SLC25A25: variants seen among roughly 807,000 people sequenced by gnomAD.
The protein encoded by SLC25A25 is mitochondrial adenyl nucleotide antiporter SLC25A25.
In SLC25A25, 32 loss-of-function variants were observed where a neutral mutation model predicts 57.7. The observed-to-expected ratio is 0.55, with a 90% CI of 0.42 to 0.74. The LOEUF is 0.74. SLC25A25 is among the 30% of genes least tolerant of loss of function. The probability of loss-of-function intolerance (pLI) is 0.00; values close to 1 mark genes in which losing one functional copy is unlikely to be tolerated. For missense variants in SLC25A25, 556 were observed against 701.3 expected (o/e 0.79, Z 2.34); for synonymous variants, 306 against 291.2 (o/e 1.05, Z -0.52).
At position 128,107,375 on chromosome 9, in the gene SLC25A25, C is replaced by A. The variant is rs750361886; in HGVS notation, c.1479C>A (p.Ile493=). The A allele has an allele frequency of 9.9e-6, 15 of 1,513,814 alleles. No homozygotes were observed. In the African/African-American group the frequency reaches 2.0e-4, roughly 20 times the overall value. The allele number at this position is 1,513,814 out of a possible 1,614,324, so 93.8% of individuals were successfully genotyped here. ...RGLAPNFMKV[I]PAVSISYVVY... is the part of the protein sequence containing the mutation. Reference sequence around the variant, plus strand: ...TGGCCCCCAACTTCATGAAGGTCATCCCAGCTGTGAGCATCAGCTACGTGG... The same window carrying A: ...TGGCCCCCAACTTCATGAAGGTCATACCAGCTGTGAGCATCAGCTACGTGG... The change falls in exon 11 of 11, where the codon ATC becomes ATA. Residue 493 remains isoleucine (I), a synonymous_variant. Transcript: ENST00000373069.
intron 1 of SLC25A25, chr9:128,091,646 G>T: frequency 8.3e-7 from 1 of 1,205,302 alleles, no homozygotes; most frequent in Non-Finnish European, 1.0e-6. Context: ...CCTTATTGCC[G>T]GCAGCCTGGC....
Position 128,099,264 on chromosome 9 carries a change from G to C in SLC25A25, c.262-1832G>C. On this transcript the variant is annotated intron_variant, in intron 1 of 10. Transcript: ENST00000373069. The surrounding 1 kb of genome is among the most constrained non-coding windows in gnomAD (Gnocchi z 6.8). ...GGCTTCTCGGTTAATCAGTTTCCCT[G>C]CTACCCCCAGTGCCCACTGTGCACC... 11 of 1,289,108 alleles carry C rather than the reference G, an allele frequency of 8.5e-6. No individual in the cohort carries two copies. Among genetic ancestry groups the C allele is most frequent in the Non-Finnish European group, 8.1e-6 (8 of 988,518 alleles). 79.9% of individuals were successfully genotyped at this position (1,289,108 alleles called of 1,614,324 possible). A position where few individuals can be genotyped will look rare whatever the true frequency, so the allele number is the denominator to read the frequency against.
At chr9:128,077,453 C>T (rs1055135477) in intron 1 of SLC25A25, among the ~76,000 whole-genome samples, 1 of 148,896 alleles carries the variant, frequency 6.7e-6, no homozygotes, top group East Asian at 2.0e-4. Flanking sequence ...GGAGGCGGAG[C>T]TTGCAGTGAG....
At chr9:128,089,968 ATG>A (rs753832594) in intron 1 of SLC25A25, among the ~76,000 whole-genome samples, 32 of 152,014 alleles carry the variant, frequency 2.1e-4, no homozygotes, top group Non-Finnish European at 2.8e-4. Context: ...TTACATGTGT[ATG>A]TGTGTATGCC....
rs1208356981 is a variant in SLC25A25 at position 128,106,228 on chromosome 9, A to G, written c.1015A>G (p.Ile339Val). 1 of 1,614,034 alleles carries G rather than the reference A, an allele frequency of 6.2e-7. No homozygotes were observed. Among genetic ancestry groups the G allele is most frequent in the Non-Finnish European group, 8.5e-7 (1 of 1,180,016 alleles). The change falls in exon 8 of 11, where the codon ATC (isoleucine) becomes GTC (valine). Residue 339 changes from isoleucine to valine, a missense_variant. Ile to Val is a conservative substitution (Grantham distance 29). This residue lies in a region of SLC25A25 where 294 missense variants were observed against 389.6 expected (regional missense o/e 0.75). Coordinates refer to ENST00000373069, the MANE Select transcript of SLC25A25 (RefSeq NM_001330988.2). ...RLVAGSLAGAIAQSSIYPMEV... is the reference protein window; with the variant it reads ...RLVAGSLAGAVAQSSIYPMEV... ...TGTGGCAGGGTCCTTGGCAGGGGCC[A>G]TCGCCCAGAGCAGCATCTACCCAAT...
intron 1 of SLC25A25, chr9:128,092,229 A>G: frequency 8.9e-7 from 1 of 1,127,448 alleles, no homozygotes; most frequent in Non-Finnish European, 1.2e-6. Flanking sequence ...GCAATGAGGA[A>G]GCCCACAAAT....
At chr9:128,083,236 AAAATAAATAAAT>A (rs376767199) in intron 1 of SLC25A25, among the ~76,000 whole-genome samples, 102,676 of 141,398 alleles carry the variant, frequency 0.73, 39,101 homozygotes, top group Non-Finnish European at 0.84. Flanking sequence ...TCAAAAAAAA[AAAATAAATAAAT>A]AAAAGTGTTT....
intron 1 of SLC25A25, among the ~76,000 whole-genome samples, chr9:128,070,063 A>G (rs1832869750): frequency 8.7e-6 from 1 of 114,930 alleles, no homozygotes. Flanking sequence ...GATTACAGGC[A>G]TGTGCCACCA....
In SLC25A25 at chr9:128,069,477, C is replaced by G. The variant is rs151100404; in HGVS notation, c.261+897C>G. Among the ~76,000 whole-genome samples the G allele has an allele frequency of 4.6e-5, 7 of 152,184 alleles. No individual in the cohort carries two copies. The East Asian group carries it at 1.3e-3, about 29-fold the overall frequency. ...GGAATAGGACTCCTGAGTACTTTAC[C>G]TAAGAACCTGTTTCACTGCTGAGTT... On this transcript the variant is annotated intron_variant, in intron 1 of 10. Coordinates refer to ENST00000373069, the MANE Select transcript of SLC25A25 (RefSeq NM_001330988.2).
intron 1 of SLC25A25, among the ~76,000 whole-genome samples, chr9:128,100,539 G>A (rs1348913728): frequency 2.0e-5 from 3 of 152,190 alleles, no homozygotes; most frequent in Non-Finnish European, 4.4e-5. Context: ...CTCGGGTGCT[G>A]TGGCAGAGTC....
chr9:128,077,670 G>C (rs1487500224), intron 1 of SLC25A25, among the ~76,000 whole-genome samples: 1 of 151,990 alleles, frequency 6.6e-6, no homozygotes, highest in Non-Finnish European at 1.5e-5. Flanking sequence ...AAGGTGAGAT[G>C]AGGTTTCTTT....
At chr9:128,093,976 C>A (rs577981884) in intron 1 of SLC25A25, among the ~76,000 whole-genome samples, 1 of 152,188 alleles carries the variant, frequency 6.6e-6, no homozygotes, top group Admixed American at 6.5e-5. Flanking sequence ...GGTGAAACCC[C>A]GTCTCTACTA....
intron 1 of SLC25A25, among the ~76,000 whole-genome samples, chr9:128,085,538 T>A (rs2130796183): frequency 6.6e-6 from 1 of 152,308 alleles, no homozygotes; most frequent in South Asian, 2.1e-4. Flanking sequence ...TCGATTCCTG[T>A]CTTAGGTGCT....
At chr9:128,106,121 T>G in intron 7 of SLC25A25, 29 bp from the exon 8 acceptor site, 1 of 1,613,434 alleles carries the variant, frequency 6.2e-7, no homozygotes, top group Non-Finnish European at 8.5e-7. Context: ...TCTGGGTATA[T>G]CAGGTGGTTT....
chr9:128,083,517 T>TTTTC (rs1175715707), intron 1 of SLC25A25, among the ~76,000 whole-genome samples: 5 of 143,170 alleles, frequency 3.5e-5, no homozygotes, highest in African/African-American at 1.0e-4. Context: ...TTTTTTCTTT[T>TTTTC]TTTTTTTTTT....
At chr9:128,074,102 C>T (rs1351199774) in intron 1 of SLC25A25, among the ~76,000 whole-genome samples, 6 of 151,750 alleles carry the variant, frequency 4.0e-5, no homozygotes, top group Admixed American at 3.3e-4. Flanking sequence ...TGCGGTGGTG[C>T]AATCTCGGCT....
intron 1 of SLC25A25, among the ~76,000 whole-genome samples, chr9:128,100,214 C>T (rs1454513725): frequency 6.6e-6 from 1 of 152,092 alleles, no homozygotes; most frequent in Non-Finnish European, 1.5e-5. Context: ...AAGTGGGTTG[C>T]TAGAAGTAAA....
At chr9:128,106,296 C>T (rs1834031560) in intron 8 of SLC25A25, 39 bp downstream of exon 8, 2 of 1,603,510 alleles carry the variant, frequency 1.2e-6, no homozygotes, top group Admixed American at 1.7e-5. Context: ...GCAGTGGGCA[C>T]AGGACTGGGG....
rs1834096553 is a variant in SLC25A25, at chr9:128,107,421, AC to A, written c.1528del (p.Leu510TrpfsTer18). 1 of 1,504,270 alleles carries A rather than the reference AC, an allele frequency of 6.6e-7. No homozygotes were observed. The highest frequency in any genetic ancestry group is 8.9e-7 in the Non-Finnish European group (1 of 1,125,292). The allele number at this position is 1,504,270 out of a possible 1,614,324, so 93.2% of individuals were successfully genotyped here. A position where few individuals can be genotyped will look rare whatever the true frequency, so the allele number is the denominator to read the frequency against. ...CGTGGTCTACGAGAACCTGAAGATC[AC>A]CCTGGGCGTGCAGTCGCGGTGACGG... ...SYVVYENLKI[T>X]LGVQSR On this transcript the variant is annotated frameshift_variant, in exon 11 of 11. Coordinates refer to ENST00000373069, the MANE Select transcript of SLC25A25 (RefSeq NM_001330988.2). LOFTEE classifies it high-confidence loss of function.
Sources: allele counts gnomAD v4.1 joint callset (sites outside exome capture counted in the v4.1 genomes callset), GRCh38; gene constraint gnomAD v4.1.1; regional missense constraint gnomAD v4.1.1; non-coding constraint Gnocchi (gnomAD v3.1); transcripts MANE v1.5; gene names NCBI Gene and HGNC (gene_info 2026-07-23, HGNC 2026-07-21).